PHACTR1: variants seen among roughly 807,000 people sequenced by gnomAD.
PHACTR1 encodes phosphatase and actin regulator 1.
PHACTR1 carries 16 observed loss-of-function variants against 69.2 expected under a neutral mutation model. The observed-to-expected ratio is 0.23, with a 90% CI of 0.16 to 0.35. PHACTR1 has a LOEUF of 0.35. Among genes scored for constraint, PHACTR1 ranks in the 10% least tolerant of loss-of-function variants. The probability of loss-of-function intolerance (pLI) is 1.00; values close to 1 mark genes in which losing one functional copy is unlikely to be tolerated. For missense variants in PHACTR1, 510 were observed against 734.7 expected, an observed-to-expected ratio of 0.69 and a Z score of 3.54; for synonymous variants, 312 against 284.5, an observed-to-expected ratio of 1.10 and a Z score of -0.97.
intron 7 of PHACTR1, among the ~76,000 whole-genome samples, chr6:13,191,842 A>G (rs1029372855): frequency 6.6e-6 from 1 of 152,228 alleles, no homozygotes; most frequent in Non-Finnish European, 1.5e-5. Context: ...TTTACTTTTT[A>G]TACTCACTTT....
intron 10 of PHACTR1, among the ~76,000 whole-genome samples, chr6:13,231,087 G>GGGA (rs1421725478): frequency 2.5e-4 from 4 of 16,200 alleles, no homozygotes; most frequent in African/African-American, 5.8e-4. Flanking sequence ...AAGGAAGGAA[G>GGGA]AAGGAAGGAA....
At chr6:13,169,799 G>T (rs1036425948) in intron 6 of PHACTR1, among the ~76,000 whole-genome samples, 1 of 152,202 alleles carries the variant, frequency 6.6e-6, no homozygotes, top group African/African-American at 2.4e-5. Context: ...AAGTTAAGAT[G>T]CTCTAGATGC....
intron 5 of PHACTR1, among the ~76,000 whole-genome samples, chr6:13,156,733 G>A (rs1189828705): frequency 4.6e-5 from 7 of 152,126 alleles, no homozygotes; most frequent in Admixed American, 6.5e-5. Flanking sequence ...TTCTCACCCC[G>A]TATTCCCTGC....
At chr6:12,988,910 C>T (rs1452255848) in intron 4 of PHACTR1, among the ~76,000 whole-genome samples, 10 of 152,172 alleles carry the variant, frequency 6.6e-5, no homozygotes, top group South Asian at 4.1e-4. Context: ...TGCAAGGTAC[C>T]GTCAGTGTGA....
intron 4 of PHACTR1, among the ~76,000 whole-genome samples, chr6:12,839,095 A>G (rs1183420674): frequency 6.6e-6 from 1 of 152,228 alleles, no homozygotes; most frequent in Non-Finnish European, 1.5e-5. Context: ...AAACGGCCTT[A>G]GAGAGAATTA....
At chr6:13,102,914 C>A (rs1000695275) in intron 5 of PHACTR1, among the ~76,000 whole-genome samples, 1 of 152,178 alleles carries the variant, frequency 6.6e-6, no homozygotes, top group Admixed American at 6.5e-5. Context: ...GGCCAGCCAA[C>A]CTTGGTCCAA....
intron 4 of PHACTR1, among the ~76,000 whole-genome samples, chr6:12,857,557 C>T (rs538272449): frequency 1.7e-4 from 25 of 151,042 alleles, no homozygotes; most frequent in African/African-American, 5.1e-4. Flanking sequence ...GAGCTGAGAT[C>T]GCGCTACTGC....
intron 10 of PHACTR1, among the ~76,000 whole-genome samples, chr6:13,238,967 G>C (rs1421595587): frequency 6.6e-6 from 1 of 152,220 alleles, no homozygotes; most frequent in Non-Finnish European, 1.5e-5. Context: ...GGCCATGCTT[G>C]TAGGCCTAGC....
At chr6:12,782,283 T>A (rs147578024) in intron 4 of PHACTR1, among the ~76,000 whole-genome samples, 1 of 152,304 alleles carries the variant, frequency 6.6e-6, no homozygotes, top group East Asian at 1.9e-4. Flanking sequence ...ACACGGAACA[T>A]GACGCCTTAC....
chr6:12,908,501 G>T (rs1786003124), intron 4 of PHACTR1, among the ~76,000 whole-genome samples: 1 of 151,216 alleles, frequency 6.6e-6, no homozygotes, highest in South Asian at 2.1e-4. Context: ...TGCAGTTGCA[G>T]AGATTTAAAA....
intron 4 of PHACTR1, among the ~76,000 whole-genome samples, chr6:12,754,986 G>A (rs1218700449): frequency 6.6e-6 from 1 of 152,182 alleles, no homozygotes; most frequent in African/African-American, 2.4e-5. Context: ...CCAATCTCAT[G>A]GTTACCAAGG....
At chr6:12,807,436 C>A (rs1202475558) in intron 4 of PHACTR1, among the ~76,000 whole-genome samples, 1 of 152,116 alleles carries the variant, frequency 6.6e-6, no homozygotes, top group Non-Finnish European at 1.5e-5. Context: ...AAGAGGGATG[C>A]TAGTGTATAT....
Position 12,919,104 on chromosome 6 carries a change from A to G in PHACTR1, c.251-134261A>G, listed in dbSNP as rs114210647. ...CAGCCTCCCAAAGTCCTGGGATTAC[A>G]GGCATGAGCTACTGCATGCACCCAG... On this transcript the variant is annotated intron_variant, in intron 4 of 14. Coordinates refer to ENST00000332995, the MANE Select transcript of PHACTR1 (RefSeq NM_030948.6). 2.8e-3 allele frequency among the ~76,000 whole-genome samples: 431 copies of G among 152,274 alleles called. 1 individual carries two copies. The highest frequency in any genetic ancestry group is 0.01 in the African/African-American group (419 of 41,552).
chr6:12,723,327 G>T (rs1236819353), intron 3 of PHACTR1, among the ~76,000 whole-genome samples: 1 of 152,036 alleles, frequency 6.6e-6, no homozygotes, highest in Non-Finnish European at 1.5e-5. Flanking sequence ...TTCGTCTGGG[G>T]CTTGTTAGGA....
chr6:12,777,126 C>T (rs368598411), intron 4 of PHACTR1, among the ~76,000 whole-genome samples: 9 of 151,920 alleles, frequency 5.9e-5, no homozygotes, highest in African/African-American at 1.5e-4. Context: ...TTGGGTAATA[C>T]GCAAACATTT....
chr6:13,023,141 G>A (rs938816486), intron 4 of PHACTR1, among the ~76,000 whole-genome samples: 3 of 152,092 alleles, frequency 2.0e-5, no homozygotes, highest in Non-Finnish European at 4.4e-5. Context: ...TATCTGTGTC[G>A]TTCACCTGAA....
intron 5 of PHACTR1, among the ~76,000 whole-genome samples, chr6:13,123,201 G>A (rs778777071): frequency 6.6e-6 from 1 of 152,210 alleles, no homozygotes; most frequent in Non-Finnish European, 1.5e-5. Flanking sequence ...CCTGGGTGTA[G>A]GTAATGACTT....
intron 4 of PHACTR1, among the ~76,000 whole-genome samples, chr6:13,031,658 C>A (rs953972329): frequency 6.6e-6 from 1 of 152,184 alleles, no homozygotes; most frequent in Non-Finnish European, 1.5e-5. Context: ...AGCAGGACAC[C>A]TTTCCAGGTA....
intron 4 of PHACTR1, among the ~76,000 whole-genome samples, chr6:12,810,151 A>T (rs1440577511): frequency 6.6e-6 from 1 of 152,262 alleles, no homozygotes; most frequent in Non-Finnish European, 1.5e-5. Flanking sequence ...ACGTAGGTTG[A>T]AAATGAAATG....
Sources: allele counts gnomAD v4.1 joint callset (sites outside exome capture counted in the v4.1 genomes callset), GRCh38; gene constraint gnomAD v4.1.1; transcripts MANE v1.5; gene names NCBI Gene and HGNC (gene_info 2026-07-23, HGNC 2026-07-21).